Variants in ZNF180 observed in about 807,000 individuals in gnomAD.
ZNF180 encodes zinc finger protein 180.
A neutral mutation model predicts 11.8 loss-of-function variants in ZNF180; 11 were observed. The ratio of observed to expected loss-of-function variants is 0.93; its 90% CI spans 0.59 to 1.55. ZNF180 has a LOEUF of 1.55. Ranked by LOEUF, ZNF180 falls within the 40% of genes most tolerant of loss-of-function variation. The probability of loss-of-function intolerance (pLI) is 0.00; values close to 1 mark genes in which losing one functional copy is unlikely to be tolerated. For missense variants in ZNF180, 773 were observed against 781.7 expected (o/e 0.99, Z 0.13); for synonymous variants, 287 against 257.7 (o/e 1.11, Z -1.09).
rs1969829428 is a variant in ZNF180, at chr19:44,475,176, A to T, written c.*1226T>A. 6.6e-6 allele frequency: 1 copy of T among 152,208 alleles called. No individual in the cohort carries two copies. The highest frequency in any genetic ancestry group is 6.5e-5 in the Admixed American group (1 of 15,284). 9.4% of individuals were successfully genotyped at this position (152,208 alleles called of 1,614,324 possible). Reference sequence around the variant, plus strand: ...CAGAAAGACATGTTAATCAAATCTTAAATATCAAAGAGTAACTAAAACTTT... The same window carrying T: ...CAGAAAGACATGTTAATCAAATCTTTAATATCAAAGAGTAACTAAAACTTT... On this transcript the variant is annotated 3_prime_UTR_variant, in exon 5 of 5. Coordinates refer to ENST00000592529, the MANE Select transcript of ZNF180 (RefSeq NM_001278509.3).
At chr19:44,486,702 G>A (rs190561573) in intron 2 of ZNF180, among the ~76,000 whole-genome samples, 8 of 152,128 alleles carry the variant, frequency 5.3e-5, no homozygotes, top group East Asian at 3.9e-4. Flanking sequence ...CCAGGAGTTC[G>A]AGCCCAGCCT....
Position 44,477,475 on chromosome 19 carries a change from G to A in ZNF180, c.925C>T (p.His309Tyr). 2.5e-6 allele frequency: 4 copies of A among 1,614,050 alleles called. No individual in the cohort carries two copies. The highest frequency in any genetic ancestry group is 1.6e-4 in the Middle Eastern group (1 of 6,062). ...ESQYKCSETS[H>Y]SSSLTQNMRN... ...ATGTTTTGAGTAAGGGAGGAACTATGAGAGGTTTCACTACATTTATATTGA... is the reference window on the plus strand; with the variant it reads ...ATGTTTTGAGTAAGGGAGGAACTATAAGAGGTTTCACTACATTTATATTGA... The change falls in exon 5 of 5, where the codon CAT (histidine) becomes TAT (tyrosine). Residue 309 changes from histidine to tyrosine, a missense_variant. By Grantham distance (83) the His-to-Tyr change is moderately conservative. Coordinates refer to ENST00000592529, the MANE Select transcript of ZNF180 (RefSeq NM_001278509.3).
intron 2 of ZNF180, among the ~76,000 whole-genome samples, chr19:44,490,026 ACAGG>A (rs1970397724): frequency 1.2e-3 from 43 of 35,966 alleles, no homozygotes; most frequent in East Asian, 3.9e-3. Flanking sequence ...AAAGAAAAAG[ACAGG>A]AAAGAAAGAG....
rs138965198 is a variant in ZNF180, at chr19:44,495,535, G to C, written c.51+1749C>G. Among the ~76,000 whole-genome samples the C allele has an allele frequency of 1.3e-5, 2 of 151,904 alleles. No individual in the cohort carries two copies. ...AGGCTGCACCTGACCCCCAACACAG[G>C]TGCACATCTCACCCCACTCTGGCTC... On this transcript the variant is annotated intron_variant, in intron 2 of 4. Transcript: ENST00000592529. The surrounding 1 kb of genome is among the most constrained non-coding windows in gnomAD (Gnocchi z 4.5).
At chr19:44,481,293 C>T (rs2571045) in intron 3 of ZNF180, among the ~76,000 whole-genome samples, 78,513 of 151,972 alleles carry the variant, frequency 0.52, 21,005 homozygotes, top group South Asian at 0.69. Flanking sequence ...ATGCAAAATA[C>T]TGCTGTATAT....
At chr19:44,494,339 C>T (rs920406956) in intron 2 of ZNF180, among the ~76,000 whole-genome samples, 2 of 152,058 alleles carry the variant, frequency 1.3e-5, no homozygotes, top group African/African-American at 4.8e-5. Context: ...CCTAGTGCCT[C>T]GCTTAAATTA....
In ZNF180 at chr19:44,478,110, G is replaced by A; in HGVS notation, c.290C>T (p.Ser97Leu). 6.3e-7 allele frequency: 1 copy of A among 1,582,464 alleles called. No individual in the cohort carries two copies. The highest frequency in any genetic ancestry group is 1.2e-5 in the South Asian group (1 of 86,256). ...ATAVGKKDST[S>L]KQRIFDEEPA... Reference sequence around the variant, plus strand: ...TTCTTCATCAAAAATCCTCTGCTTTGAAGTTGAATCTTTTTTTCCAACTGC... The same window carrying A: ...TTCTTCATCAAAAATCCTCTGCTTTAAAGTTGAATCTTTTTTTCCAACTGC... The change falls in exon 5 of 5, where the codon TCA (serine) becomes TTA (leucine). Residue 97 changes from serine to leucine, a missense_variant. Coordinates refer to ENST00000592529, the MANE Select transcript of ZNF180 (RefSeq NM_001278509.3).
At chr19:44,499,617 C>G (rs995409547) in intron 1 of ZNF180, among the ~76,000 whole-genome samples, 6 of 152,202 alleles carry the variant, frequency 3.9e-5, no homozygotes, top group Non-Finnish European at 5.9e-5. Flanking sequence ...TGCCCAGAAC[C>G]TGTTTCTAGG....
chr19:44,497,437 C>A (rs1461015562), intron 1 of ZNF180, 60 bp from the exon 2 acceptor site: 1 of 1,488,770 alleles, frequency 6.7e-7, no homozygotes, highest in Middle Eastern at 1.8e-4. Context: ...CTGGGCCCCC[C>A]ACCCCCATTA....
In ZNF180 at chr19:44,476,739, T is replaced by G; in HGVS notation, c.1661A>C (p.Gln554Pro). Residue 554 changes from glutamine to proline, a missense_variant, in exon 5 of 5, where the codon CAG becomes CCG. Transcript: ENST00000592529. Reference sequence around the variant, plus strand: ...ACTCTGGCTGAAGGATTTCCCACACTGATTACATTCATACGGTTTTTCCCC... The same window carrying G: ...ACTCTGGCTGAAGGATTTCCCACACGGATTACATTCATACGGTTTTTCCCC... Reference protein sequence around the residue: ...HTGEKPYECNQCGKSFSQSYV... With the variant: ...HTGEKPYECNPCGKSFSQSYV... The G allele has an allele frequency of 6.2e-7, 1 of 1,614,206 alleles. No individual in the cohort carries two copies. The highest frequency in any genetic ancestry group is 1.1e-5 in the South Asian group (1 of 91,082).
chr19:44,479,428 T>A lies in ZNF180; in HGVS notation c.127-19A>T. ...CTCCTTCCTAAAAAAGGACACACAT[T>A]CCTGCTCAGCTGGGCATCATTTCCT... On this transcript the variant is annotated intron_variant, in intron 3 of 4. Transcript: ENST00000592529. 6.2e-7 allele frequency: 1 copy of A among 1,613,054 alleles called. No individual in the cohort carries two copies. Among genetic ancestry groups the A allele is most frequent in the Non-Finnish European group, 8.5e-7 (1 of 1,179,504 alleles).
intron 3 of ZNF180, among the ~76,000 whole-genome samples, chr19:44,482,370 A>C (rs776129374): frequency 2.0e-5 from 3 of 152,080 alleles, no homozygotes; most frequent in Non-Finnish European, 4.4e-5. Flanking sequence ...TTCCCTATAC[A>C]TCCCTGTGTT....
rs1969850156 is a variant in ZNF180 at position 44,475,818 on chromosome 19, T to C, written c.*584A>G. 6.6e-6 allele frequency: 1 copy of C among 152,276 alleles called. No homozygotes were observed. The highest frequency in any genetic ancestry group is 2.1e-4 in the South Asian group (1 of 4,836). The allele number at this position is 152,276 out of a possible 1,614,324, so 9.4% of individuals were successfully genotyped here. On this transcript the variant is annotated 3_prime_UTR_variant, in exon 5 of 5. Coordinates refer to ENST00000592529, the MANE Select transcript of ZNF180 (RefSeq NM_001278509.3). ...TGGTTTTAGAAGTGAATATTATTTC[T>C]ATATTCTTTTCCCACACTTTTCACT...
Position 44,478,078 on chromosome 19 carries a change from T to C in ZNF180, c.322A>G (p.Asn108Asp). ...KQRIFDEEPA[N>D]GVKIERFTRD... ...GTAAACCTTTCTATCTTCACTCCATTAGCTGGTTCTTCATCAAAAATCCTC... is the reference window on the plus strand; with the variant it reads ...GTAAACCTTTCTATCTTCACTCCATCAGCTGGTTCTTCATCAAAAATCCTC... The change falls in exon 5 of 5, where the codon AAT becomes GAT. Residue 108 changes from asparagine to aspartate, a missense_variant. By Grantham distance (23) the Asn-to-Asp change is conservative. Transcript: ENST00000592529. 1 of 1,604,974 alleles carries C rather than the reference T, an allele frequency of 6.2e-7. No homozygotes were observed. Among genetic ancestry groups the C allele is most frequent in the Non-Finnish European group, 8.5e-7 (1 of 1,174,874 alleles).
chr19:44,477,143 G>A lies in ZNF180; in HGVS notation c.1257C>T (p.Phe419=), dbSNP rs1258300180. Residue 419 remains phenylalanine, a synonymous_variant, in exon 5 of 5, where the codon TTC becomes TTT. Transcript: ENST00000592529. ...PYECNQCGKS[F]RQSYKLIAHQ... ...GTGCAATAAGTTTATAGCTCTGCCT[G>A]AATGACTTTCCACACTGATTGCATT... 6.2e-7 allele frequency: 1 copy of A among 1,613,064 alleles called. No individual in the cohort carries two copies. The highest frequency in any genetic ancestry group is 1.1e-5 in the South Asian group (1 of 91,030).
rs570557322 is a variant in ZNF180, at chr19:44,482,245, C to T, written c.126+2116G>A. ...ATCACCTGAGCCTCGGAATTCAAGG[C>T]TGCAGTGAGCCATGATCACACCATT... is the stretch of plus-strand genomic sequence containing the variant. On this transcript the variant is annotated intron_variant, in intron 3 of 4. Transcript: ENST00000592529. Among the ~76,000 whole-genome samples, 50 of 152,262 alleles carry T rather than the reference C, an allele frequency of 3.3e-4. No individual in the cohort carries two copies. In the South Asian group the frequency reaches 0.01, roughly 31 times the overall value.
chr19:44,500,458 A>T lies in ZNF180; in HGVS notation c.-227T>A. On this transcript the variant is annotated 5_prime_UTR_variant, in exon 1 of 5. Coordinates refer to ENST00000592529, the MANE Select transcript of ZNF180 (RefSeq NM_001278509.3). ...GCATCCGCAAGGCCGCTGGGGGTTAAGTCTGAAGGGCCGAGCTGCTCGGCG... is the reference window on the plus strand; with the variant it reads ...GCATCCGCAAGGCCGCTGGGGGTTATGTCTGAAGGGCCGAGCTGCTCGGCG... 1 of 588,662 alleles carries T rather than the reference A, an allele frequency of 1.7e-6. No homozygotes were observed. Among genetic ancestry groups the T allele is most frequent in the South Asian group, 2.1e-5 (1 of 47,394 alleles). 36.5% of individuals were successfully genotyped at this position (588,662 alleles called of 1,614,324 possible). A position where few individuals can be genotyped will look rare whatever the true frequency, so the allele number is the denominator to read the frequency against.
At chr19:44,490,163 G>T (rs1327280761) in intron 2 of ZNF180, among the ~76,000 whole-genome samples, 2 of 77,708 alleles carry the variant, frequency 2.6e-5, no homozygotes, top group Non-Finnish European at 4.8e-5. Context: ...GGAAATAGGA[G>T]AAGGGAGGGA....
At position 44,478,076 on chromosome 19, in the gene ZNF180, A is replaced by G; in HGVS notation, c.324T>C (p.Asn108=). ...TTGTAAACCTTTCTATCTTCACTCC[A>G]TTAGCTGGTTCTTCATCAAAAATCC... ...KQRIFDEEPA[N]GVKIERFTRD... The change falls in exon 5 of 5, where the codon AAT becomes AAC. Residue 108 remains asparagine (N), a synonymous_variant. Transcript: ENST00000592529. The G allele has an allele frequency of 6.2e-7, 1 of 1,607,392 alleles. No individual in the cohort carries two copies. The highest frequency in any genetic ancestry group is 8.5e-7 in the Non-Finnish European group (1 of 1,176,174).
Sources: allele counts gnomAD v4.1 joint callset (sites outside exome capture counted in the v4.1 genomes callset), GRCh38; gene constraint gnomAD v4.1.1; non-coding constraint Gnocchi (gnomAD v3.1); transcripts MANE v1.5; gene names NCBI Gene and HGNC (gene_info 2026-07-23, HGNC 2026-07-21).